Variants in RAD50 observed in about 807,000 individuals in gnomAD.
RAD50 encodes DNA repair protein RAD50.
RAD50 carries 132 observed loss-of-function variants against 168.8 expected under a neutral mutation model. The ratio of observed to expected loss-of-function variants is 0.78; its 90% CI spans 0.68 to 0.90. The LOEUF (loss-of-function observed/expected upper bound fraction) is 0.90, where lower values mean the gene tolerates loss of function less well. Ranked by LOEUF, RAD50 falls within the 40% of genes least tolerant of loss-of-function variation. The pLI, the probability that RAD50 is intolerant of heterozygous loss-of-function variation, is 0.00. For missense variants in RAD50, 1,347 were observed against 1,534.4 expected (o/e 0.88, Z 2.04); for synonymous variants, 525 against 497.4 (o/e 1.06, Z -0.74).
intron 24 of RAD50, 74 bp downstream of exon 24, chr5:132,640,879 A>T: frequency 6.2e-7 from 1 of 1,602,164 alleles, no homozygotes; most frequent in Middle Eastern, 1.7e-4. Context: ...AGTTCTTCAA[A>T]ACCAAGAGAG....
chr5:132,600,764 TTGAG>T lies in RAD50; in HGVS notation c.2208-2534_2208-2531del, dbSNP rs1220328956. 2.6e-5 allele frequency among the ~76,000 whole-genome samples: 4 copies of T among 152,314 alleles called. No individual in the cohort carries two copies. The East Asian group carries it at 7.7e-4, about 29-fold the overall frequency. ...GGAATGTTGTCTAAAAATAGGTGAATTGAGTTTCTGAAAAAACAGAAATCCAAAG... is the reference window on the plus strand; with the variant it reads ...GGAATGTTGTCTAAAAATAGGTGAATTTTCTGAAAAAACAGAAATCCAAAG... On this transcript the variant is annotated intron_variant, in intron 13 of 24. Transcript: ENST00000378823.
At chr5:132,621,630 A>G (rs1751287895) in intron 21 of RAD50, among the ~76,000 whole-genome samples, 1 of 152,200 alleles carries the variant, frequency 6.6e-6, no homozygotes, top group African/African-American at 2.4e-5. Flanking sequence ...TTGATAGTTT[A>G]GCTGAGCATA....
At chr5:132,632,336 GAC>G (rs1751490177) in intron 21 of RAD50, among the ~76,000 whole-genome samples, 1 of 152,312 alleles carries the variant, frequency 6.6e-6, no homozygotes, top group African/African-American at 2.4e-5. Context: ...TCATTTCCAT[GAC>G]AGTGTCTAAC....
chr5:132,562,200 A>C (rs1397521475), intron 2 of RAD50, among the ~76,000 whole-genome samples: 1 of 152,182 alleles, frequency 6.6e-6, no homozygotes, highest in African/African-American at 2.4e-5. Context: ...AGGTCCTTGG[A>C]TTCTAGTCTT....
In RAD50 at chr5:132,646,092, C is replaced by CAAAAAAAAAAAAAAAAAAAAAAAAA. The variant is rs757145249; in HGVS notation, c.*3749_*3750insAAAAAAAAAAAAAAAAAAAAAAAAA. The CAAAAAAAAAAAAAAAAAAAAAAAAA allele has an allele frequency of 5.2e-5, 4 of 77,170 alleles. No homozygotes were observed. Among genetic ancestry groups the CAAAAAAAAAAAAAAAAAAAAAAAAA allele is most frequent in the African/African-American group, 1.8e-4 (4 of 22,120 alleles). 4.8% of individuals were successfully genotyped at this position (77,170 alleles called of 1,614,324 possible). A position where few individuals can be genotyped will look rare whatever the true frequency, so the allele number is the denominator to read the frequency against. The stretch of plus-strand genomic sequence containing the variant: ...CAGAGTGAGACCCTGTCTAAAAAGA[C>CAAAAAAAAAAAAAAAAAAAAAAAAA]AAAAAAAAAAAAAAAAAAAAAGCAG... On this transcript the variant is annotated 3_prime_UTR_variant, in exon 25 of 25. Coordinates refer to ENST00000378823, the MANE Select transcript of RAD50 (RefSeq NM_005732.4).
At chr5:132,566,806 A>G (rs1205780942) in intron 2 of RAD50, among the ~76,000 whole-genome samples, 1 of 152,212 alleles carries the variant, frequency 6.6e-6, no homozygotes, top group African/African-American at 2.4e-5. Context: ...TTCTATGCCA[A>G]ACATTCTGAA....
rs1751734902 is a variant in RAD50 at position 132,642,124 on chromosome 5, CAAA to C, written c.3753-53_3753-51del. 7.0e-6 allele frequency: 11 copies of C among 1,569,632 alleles called. No homozygotes were observed. The Admixed American group carries it at 1.3e-4, about 19-fold the overall frequency. ...CAAGGTTTGCGGTGACTTTTCAAAT[CAAA>C]GAAGGGGTTATGCTCTTTACTAATA... is the stretch of plus-strand genomic sequence containing the variant. On this transcript the variant is annotated intron_variant, in intron 24 of 24. Transcript: ENST00000378823.
rs1326975456 is a variant in RAD50, at chr5:132,643,004, G to T, written c.*640G>T. Reference sequence around the variant, plus strand: ...CTTCTTCTCCTACATATCCCTTCCAGATGGTCATCCAGACTCAGAGCTCTC... The same window carrying T: ...CTTCTTCTCCTACATATCCCTTCCATATGGTCATCCAGACTCAGAGCTCTC... On this transcript the variant is annotated 3_prime_UTR_variant, in exon 25 of 25. Coordinates refer to ENST00000378823, the MANE Select transcript of RAD50 (RefSeq NM_005732.4). 3 of 528,794 alleles carry T rather than the reference G, an allele frequency of 5.7e-6. No individual in the cohort carries two copies. Among genetic ancestry groups the T allele is most frequent in the Non-Finnish European group, 1.1e-5 (3 of 262,222 alleles). The allele number at this position is 528,794 out of a possible 1,614,324, so 32.8% of individuals were successfully genotyped here.
chr5:132,575,844 TA>T lies in RAD50; in HGVS notation c.282del (p.Ile94MetfsTer36), dbSNP rs1561634357. ...TTTCGTGATGTCAATGGAGAACTTATAGCTGTGCAAAGATCTATGGTGTGTA... is the reference window on the plus strand; with the variant it reads ...TTTCGTGATGTCAATGGAGAACTTATGCTGTGCAAAGATCTATGGTGTGTA... ...LQFRDVNGEL[I>X]AVQRSMVCTQ... On this transcript the variant is annotated frameshift_variant, in exon 3 of 25. Transcript: ENST00000378823. LOFTEE classifies it high-confidence loss of function. 1.2e-6 allele frequency: 2 copies of T among 1,603,150 alleles called. No homozygotes were observed. Among genetic ancestry groups the T allele is most frequent in the Non-Finnish European group, 1.7e-6 (2 of 1,170,024 alleles).
intron 3 of RAD50, 48 bp downstream of exon 3, chr5:132,575,976 A>G: frequency 2.6e-6 from 4 of 1,519,520 alleles, no homozygotes; most frequent in Non-Finnish European, 3.6e-6. Context: ...TCAGTCTTTT[A>G]GGTCTGTAAG....
chr5:132,563,485 T>C (rs763228794), intron 2 of RAD50, among the ~76,000 whole-genome samples: 3 of 152,234 alleles, frequency 2.0e-5, no homozygotes, highest in African/African-American at 4.8e-5. Context: ...AAGGGGTTGA[T>C]TGAGCCTAGA....
At chr5:132,596,135 A>G (rs763653403) in intron 13 of RAD50, among the ~76,000 whole-genome samples, 9 of 151,990 alleles carry the variant, frequency 5.9e-5, no homozygotes, top group Non-Finnish European at 1.2e-4. Context: ...CTGGGATTAC[A>G]GGCATGTACC....
chr5:132,617,962 T>G lies in RAD50; in HGVS notation c.3165-108T>G, dbSNP rs767188592. 823 of 935,644 alleles carry G rather than the reference T, an allele frequency of 8.8e-4. 2 individuals carry two copies. Among genetic ancestry groups the G allele is most frequent in the Non-Finnish European group, 5.2e-4 (296 of 574,204 alleles). 58.0% of individuals were successfully genotyped at this position (935,644 alleles called of 1,614,324 possible). A position where few individuals can be genotyped will look rare whatever the true frequency, so the allele number is the denominator to read the frequency against. ...AGAGACTCTGTTATAATATACTGATTGCTAAGGAGAATGATACTTAACCTA... is the reference window on the plus strand; with the variant it reads ...AGAGACTCTGTTATAATATACTGATGGCTAAGGAGAATGATACTTAACCTA... On this transcript the variant is annotated intron_variant, in intron 20 of 24. Transcript: ENST00000378823.
intron 13 of RAD50, chr5:132,600,022 A>G (rs181801605): frequency 6.6e-6 from 1 of 152,208 alleles, no homozygotes; most frequent in Non-Finnish European, 1.5e-5. Context: ...AAGTAACAAG[A>G]TTAAATTTAT....
Position 132,643,734 on chromosome 5 carries a change from G to GC in RAD50, c.*1370_*1371insC. The GC allele has an allele frequency of 1.1e-5, 2 of 177,108 alleles. No homozygotes were observed. Among genetic ancestry groups the GC allele is most frequent in the East Asian group, 9.8e-5 (1 of 10,252 alleles). 11.0% of individuals were successfully genotyped at this position (177,108 alleles called of 1,614,324 possible). On this transcript the variant is annotated 3_prime_UTR_variant, in exon 25 of 25. Coordinates refer to ENST00000378823, the MANE Select transcript of RAD50 (RefSeq NM_005732.4). Reference sequence around the variant, plus strand: ...GGGGGTGGTGGTGGGGTGGGGGGGGGTCCTAAATGTAATCACGAGTAAGAT... The same window carrying GC: ...GGGGGTGGTGGTGGGGTGGGGGGGGGCTCCTAAATGTAATCACGAGTAAGAT...
intron 1 of RAD50, among the ~76,000 whole-genome samples, chr5:132,557,833 A>T (rs1284539806): frequency 6.6e-6 from 1 of 152,244 alleles, no homozygotes; most frequent in Non-Finnish European, 1.5e-5. Context: ...GAATTCCTTT[A>T]AAAGTTATAA....
At chr5:132,611,487 C>T (rs997140109) in intron 19 of RAD50, among the ~76,000 whole-genome samples, 2 of 151,820 alleles carry the variant, frequency 1.3e-5, no homozygotes, top group African/African-American at 2.4e-5. Context: ...GGGCAGATCA[C>T]GAGGTCAGGA....
At chr5:132,562,786 G>T (rs1258227655) in intron 2 of RAD50, among the ~76,000 whole-genome samples, 1 of 152,046 alleles carries the variant, frequency 6.6e-6, no homozygotes, top group Non-Finnish European at 1.5e-5. Context: ...GAGTGAATAT[G>T]GAAAAGATAT....
At chr5:132,596,195 A>G (rs1232426308) in intron 13 of RAD50, among the ~76,000 whole-genome samples, 3 of 149,658 alleles carry the variant, frequency 2.0e-5, no homozygotes, top group Admixed American at 1.3e-4. Context: ...GAGTTTCACC[A>G]TGTTGGCCAG....
Sources: gnomAD v4.1 joint callset for allele counts (sites outside exome capture counted in the v4.1 genomes callset) on GRCh38, gnomAD v4.1.1 for gene constraint, MANE v1.5 for transcripts, NCBI Gene and HGNC (gene_info 2026-07-23, HGNC 2026-07-21) for gene names.